Variants in ATP8B1 observed in about 807,000 individuals in gnomAD.
ATP8B1 encodes ATPase phospholipid transporting 8B1.
A neutral mutation model predicts 149.9 loss-of-function variants in ATP8B1; 80 were observed. The observed-to-expected ratio is 0.53, with a 90% CI of 0.45 to 0.64. The LOEUF (loss-of-function observed/expected upper bound fraction) is 0.64, where lower values mean the gene tolerates loss of function less well. Ranked by LOEUF, ATP8B1 falls within the 30% of genes least tolerant of loss-of-function variation. ATP8B1 has a pLI of 0.00. For synonymous variants in ATP8B1, 536 were observed against 562.8 expected (o/e 0.95, Z 0.67); for missense variants, 1,247 against 1,552.6 (o/e 0.80, Z 3.31).
At chr18:57,727,528 C>T (rs777165110) in intron 2 of ATP8B1, among the ~76,000 whole-genome samples, 1 of 152,090 alleles carries the variant, frequency 6.6e-6, no homozygotes, top group Non-Finnish European at 1.5e-5. Context: ...TGGTAGCTCA[C>T]GCCTATAATC....
At chr18:57,658,500 A>T (rs540854414) in intron 22 of ATP8B1, among the ~76,000 whole-genome samples, 10 of 152,346 alleles carry the variant, frequency 6.6e-5, no homozygotes, top group African/African-American at 2.2e-4. Context: ...AGGGGCAGAA[A>T]CATGGTGGGT....
Position 57,662,629 on chromosome 18 carries a change from A to G in ATP8B1, c.2286-14T>C, listed in dbSNP as rs773227602. 6.2e-6 allele frequency: 10 copies of G among 1,614,060 alleles called. No individual in the cohort carries two copies. Among genetic ancestry groups the G allele is most frequent in the Admixed American group, 1.7e-5 (1 of 60,022 alleles). On this transcript the variant is annotated splice_polypyrimidine_tract_variant and intron_variant, in intron 20 of 27. Transcript: ENST00000648908. ...TGAAGAAGAGAACTAGGGGAAACCA[A>G]ATTTCAGTGTTTAAAGTGTAAGACC... is the stretch of plus-strand genomic sequence containing the variant.
Position 57,688,478 on chromosome 18 carries a change from T to G in ATP8B1, c.1250A>C (p.His417Pro), listed in dbSNP as rs773604291. ...SVEVIRLGQS[H>P]FINWDLQMYY... ...CATTTGCAGGTCCCAGTTGATGAAG[T>G]GACTCTGTCCAAGACGAATCACTTC... Residue 417 changes from histidine to proline, a missense_variant, in exon 13 of 28, where the codon CAC becomes CCC. Coordinates refer to ENST00000648908, the MANE Select transcript of ATP8B1 (RefSeq NM_001374385.1). The G allele has an allele frequency of 6.2e-7, 1 of 1,614,182 alleles. No individual in the cohort carries two copies. The highest frequency in any genetic ancestry group is 1.7e-5 in the Admixed American group (1 of 60,012).
At chr18:57,694,366 A>G (rs928573287) in intron 11 of ATP8B1, among the ~76,000 whole-genome samples, 6 of 152,090 alleles carry the variant, frequency 3.9e-5, no homozygotes, top group African/African-American at 1.4e-4. Flanking sequence ...TCCCTTCCCA[A>G]GGGAATTCTC....
At chr18:57,768,040 A>T (rs1003513694) in intron 1 of ATP8B1, among the ~76,000 whole-genome samples, 1 of 152,216 alleles carries the variant, frequency 6.6e-6, no homozygotes, top group Non-Finnish European at 1.5e-5. Context: ...ATTAACAATT[A>T]TACATTATAT....
At chr18:57,692,408 TAGA>T (rs1474350679) in intron 11 of ATP8B1, among the ~76,000 whole-genome samples, 1 of 149,886 alleles carries the variant, frequency 6.7e-6, no homozygotes, top group Non-Finnish European at 1.5e-5. Context: ...GGAATGCTTA[TAGA>T]AGATATTCAA....
At chr18:57,673,601 TG>T (rs1471959199) in intron 16 of ATP8B1, among the ~76,000 whole-genome samples, 10 of 151,784 alleles carry the variant, frequency 6.6e-5, no homozygotes, top group Admixed American at 2.6e-4. Flanking sequence ...ATAACCTGTA[TG>T]TATGTGTGTG....
chr18:57,723,831 A>G lies in ATP8B1; in HGVS notation c.181+7796T>C, dbSNP rs11874091. Among the ~76,000 whole-genome samples, 281 of 149,588 alleles carry G rather than the reference A, an allele frequency of 1.9e-3. 1 individual carries two copies. The highest frequency in any genetic ancestry group is 6.6e-3 in the African/African-American group (264 of 40,276). On this transcript the variant is annotated intron_variant, in intron 2 of 27. Transcript: ENST00000648908. ...AAAAGAACAAAGCTGGAGGCATCAC[A>G]CTACCTGACTTCAAACTATACTACA...
chr18:57,693,735 A>T (rs74858389), intron 11 of ATP8B1, among the ~76,000 whole-genome samples: 6 of 151,804 alleles, frequency 4.0e-5, no homozygotes, highest in African/African-American at 1.2e-4. Context: ...TAATAATAAT[A>T]AAAAAACTCA....
chr18:57,791,356 T>C (rs894139432), intron 1 of ATP8B1, among the ~76,000 whole-genome samples: 42 of 147,984 alleles, frequency 2.8e-4, no homozygotes, highest in South Asian at 8.5e-4. Flanking sequence ...CTTTTCTTTT[T>C]TTTTTTTTTT....
At chr18:57,781,701 G>C (rs1194252982) in intron 1 of ATP8B1, among the ~76,000 whole-genome samples, 1 of 152,218 alleles carries the variant, frequency 6.6e-6, no homozygotes, top group Admixed American at 6.5e-5. Flanking sequence ...ATAGGTGGGT[G>C]CAGTGGCTCG....
At chr18:57,719,583 A>AT (rs1166362396) in intron 2 of ATP8B1, among the ~76,000 whole-genome samples, 1 of 152,170 alleles carries the variant, frequency 6.6e-6, no homozygotes, top group African/African-American at 2.4e-5. Flanking sequence ...TAGAGACTAT[A>AT]TCCCACACCT....
chr18:57,680,154 G>A (rs1266368066), intron 15 of ATP8B1, among the ~76,000 whole-genome samples: 2 of 151,426 alleles, frequency 1.3e-5, no homozygotes, highest in Non-Finnish European at 2.9e-5. Flanking sequence ...GTGGGCGCCT[G>A]TAATCCCAGC....
Position 57,648,415 on chromosome 18 carries a change from C to T in ATP8B1, c.*73G>A. The T allele has an allele frequency of 1.3e-6, 2 of 1,516,730 alleles. No individual in the cohort carries two copies. Among genetic ancestry groups the T allele is most frequent in the Non-Finnish European group, 1.8e-6 (2 of 1,095,520 alleles). 94.0% of individuals were successfully genotyped at this position (1,516,730 alleles called of 1,614,324 possible). A position where few individuals can be genotyped will look rare whatever the true frequency, so the allele number is the denominator to read the frequency against. ...GTGATGAATGCAATTCACACACACACACAAAGTCCTGAGAGTCTTTCATAA... is the reference window on the plus strand; with the variant it reads ...GTGATGAATGCAATTCACACACACATACAAAGTCCTGAGAGTCTTTCATAA... On this transcript the variant is annotated 3_prime_UTR_variant, in exon 28 of 28. Coordinates refer to ENST00000648908, the MANE Select transcript of ATP8B1 (RefSeq NM_001374385.1).
intron 15 of ATP8B1, among the ~76,000 whole-genome samples, chr18:57,681,523 G>A (rs1911969396): frequency 6.6e-6 from 1 of 152,260 alleles, no homozygotes; most frequent in South Asian, 2.1e-4. Context: ...GCATGTGGCA[G>A]GGTGTGGTGG....
At chr18:57,730,263 A>G (rs2079748512) in intron 2 of ATP8B1, among the ~76,000 whole-genome samples, 1 of 152,104 alleles carries the variant, frequency 6.6e-6, no homozygotes, top group Non-Finnish European at 1.5e-5. Flanking sequence ...GGGGAAAAAG[A>G]GGCTTCTAGA....
chr18:57,683,550 A>G (rs1173818171), intron 15 of ATP8B1, among the ~76,000 whole-genome samples: 1 of 152,198 alleles, frequency 6.6e-6, no homozygotes, highest in Admixed American at 6.5e-5. Flanking sequence ...GGCACCTTAA[A>G]GAGATCCAGG....
intron 1 of ATP8B1, among the ~76,000 whole-genome samples, chr18:57,755,851 C>T (rs191799005): frequency 3.3e-5 from 5 of 152,204 alleles, no homozygotes; most frequent in East Asian, 1.9e-4. Flanking sequence ...ACATAATTAA[C>T]GGCGCAGCAC....
intron 1 of ATP8B1, among the ~76,000 whole-genome samples, chr18:57,760,367 G>C (rs764537980): frequency 1.8e-4 from 28 of 152,208 alleles, no homozygotes; most frequent in Admixed American, 1.5e-3. Context: ...CCAGCAGAGG[G>C]AAAGGGCCTG....
Sources: allele counts gnomAD v4.1 joint callset (sites outside exome capture counted in the v4.1 genomes callset), GRCh38; gene constraint gnomAD v4.1.1; transcripts MANE v1.5; gene names NCBI Gene and HGNC (gene_info 2026-07-23, HGNC 2026-07-21).